The following PCLO variants were observed in gnomAD, a reference collection of about 807,000 sequenced individuals.
PCLO encodes the protein protein piccolo.
PCLO carries 82 observed loss-of-function variants against 427.5 expected under a neutral mutation model. The observed-to-expected ratio is 0.19, with a 90% CI of 0.16 to 0.23. PCLO has a LOEUF of 0.23. Ranked by LOEUF, PCLO falls within the 10% of genes least tolerant of loss-of-function variation. The pLI is 1.00. For synonymous variants in PCLO, 2,357 were observed against 2,155.4 expected (o/e 1.09, Z -2.59); for missense variants, 6,239 against 6,115.9 (o/e 1.02, Z -0.67).
At chr7:83,147,677 C>T (rs919349104) in intron 2 of PCLO, among the ~76,000 whole-genome samples, 28 of 152,016 alleles carry the variant, frequency 1.8e-4, no homozygotes, top group Admixed American at 1.8e-3. Flanking sequence ...AGTCCTTTAA[C>T]CCTTTATATA....
At position 82,791,707 on chromosome 7, in the gene PCLO, TG is replaced by T. The variant is rs1223386287; in HGVS notation, c.15007+9810del. Among the ~76,000 whole-genome samples, 6 of 152,286 alleles carry T rather than the reference TG, an allele frequency of 3.9e-5. No individual in the cohort carries two copies. The East Asian group carries it at 1.2e-3, about 29-fold the overall frequency. On this transcript the variant is annotated intron_variant, in intron 22 of 24. Coordinates refer to ENST00000333891, the MANE Select transcript of PCLO (RefSeq NM_033026.6). Reference sequence around the variant, plus strand: ...TGGTTCCTTAAGGGAAAGTAATACTTGGTTGACCAAGGGCTTCTTTTCTGAA... The same window carrying T: ...TGGTTCCTTAAGGGAAAGTAATACTTGTTGACCAAGGGCTTCTTTTCTGAA...
chr7:82,824,402 T>C lies in PCLO; in HGVS notation c.14430A>G (p.Leu4810=). Residue 4810 remains leucine (L), a synonymous_variant, in exon 19 of 25, where the codon TTA becomes TTG. Coordinates refer to ENST00000333891, the MANE Select transcript of PCLO (RefSeq NM_033026.6). ...NDFLGEVLID[L]SSTSHLDNTP... ...TGTTATCGAGGTGAGATGTGCTAGA[T>C]AAATCAATCAATACCTGAAAAAAAG... The C allele has an allele frequency of 1.3e-6, 2 of 1,596,492 alleles. No homozygotes were observed. Among genetic ancestry groups the C allele is most frequent in the South Asian group, 2.3e-5 (2 of 88,262 alleles).
At chr7:83,047,567 C>T (rs1789134161) in intron 3 of PCLO, among the ~76,000 whole-genome samples, 1 of 151,892 alleles carries the variant, frequency 6.6e-6, no homozygotes, top group Admixed American at 6.6e-5. Context: ...AAGAAGACTG[C>T]TATAAAGAAC....
chr7:82,874,699 T>C (rs1011500518), intron 10 of PCLO, among the ~76,000 whole-genome samples: 3 of 152,182 alleles, frequency 2.0e-5, no homozygotes, highest in Non-Finnish European at 2.9e-5. Flanking sequence ...ATGCTGGTTA[T>C]ATTGAACTTA....
intron 3 of PCLO, among the ~76,000 whole-genome samples, chr7:83,098,308 A>AAT (rs1554396865): frequency 1.4e-4 from 22 of 151,962 alleles, no homozygotes; most frequent in African/African-American, 5.3e-4. Flanking sequence ...AGTAGGAGGT[A>AAT]CTTTGTCTTT....
chr7:83,033,539 AC>A (rs1361212529), intron 3 of PCLO, among the ~76,000 whole-genome samples: 2 of 152,090 alleles, frequency 1.3e-5, no homozygotes, highest in African/African-American at 4.8e-5. Flanking sequence ...TCTAGATCCT[AC>A]CTATCATTCA....
At chr7:82,889,688 T>A (rs968390310) in intron 9 of PCLO, among the ~76,000 whole-genome samples, 2 of 152,098 alleles carry the variant, frequency 1.3e-5, no homozygotes, top group African/African-American at 4.8e-5. Context: ...GCATTGTTTA[T>A]AATAATGGAA....
chr7:82,944,930 C>A (rs1795166746), intron 6 of PCLO, among the ~76,000 whole-genome samples: 1 of 152,094 alleles, frequency 6.6e-6, no homozygotes, highest in Non-Finnish European at 1.5e-5. Flanking sequence ...ATAAAATATT[C>A]CAAATGAAGA....
At chr7:83,078,440 A>G (rs368609876) in intron 3 of PCLO, among the ~76,000 whole-genome samples, 13 of 152,116 alleles carry the variant, frequency 8.5e-5, no homozygotes, top group African/African-American at 2.4e-4. Flanking sequence ...ACATGGAAGT[A>G]TACTTTTCCA....
intron 3 of PCLO, among the ~76,000 whole-genome samples, chr7:83,117,979 C>T (rs185182781): frequency 9.6e-4 from 146 of 152,136 alleles, no homozygotes; most frequent in African/African-American, 3.3e-3. Context: ...TATAACAGTA[C>T]AAACTAAAGA....
intron 3 of PCLO, among the ~76,000 whole-genome samples, chr7:83,094,621 T>C (rs565960381): frequency 2.0e-5 from 3 of 152,314 alleles, no homozygotes; most frequent in South Asian, 2.1e-4. Flanking sequence ...ACAGTTTGTT[T>C]AACCATTTAT....
At chr7:83,023,197 T>G (rs938281995) in intron 3 of PCLO, among the ~76,000 whole-genome samples, 2 of 152,204 alleles carry the variant, frequency 1.3e-5, no homozygotes, top group African/African-American at 4.8e-5. Flanking sequence ...CAAAATGATT[T>G]TATGACTTCC....
chr7:82,919,442 A>C (rs1277698116), intron 6 of PCLO, among the ~76,000 whole-genome samples: 3 of 151,968 alleles, frequency 2.0e-5, no homozygotes. Context: ...ATAGAGACCC[A>C]GTGTGGTGAG....
Position 82,951,604 on chromosome 7 carries a change from G to A in PCLO, c.9098-114C>T, listed in dbSNP as rs527388714. On this transcript the variant is annotated intron_variant, in intron 5 of 24. Transcript: ENST00000333891. ...GAATGAGACTGCATGCAAATCCACAGGGTAACCTAATTATATGCGGAATGA... is the reference window on the plus strand; with the variant it reads ...GAATGAGACTGCATGCAAATCCACAAGGTAACCTAATTATATGCGGAATGA... 41 of 862,900 alleles carry A rather than the reference G, an allele frequency of 4.8e-5. 1 individual carries two copies. The South Asian group carries it at 6.7e-4, about 14-fold the overall frequency. The allele number at this position is 862,900 out of a possible 1,614,324, so 53.5% of individuals were successfully genotyped here.
chr7:83,138,522 G>T (rs1478951849), intron 2 of PCLO, among the ~76,000 whole-genome samples: 1 of 152,086 alleles, frequency 6.6e-6, no homozygotes, highest in Admixed American at 6.5e-5. Flanking sequence ...TTAGCCAGGT[G>T]TAGTGGTGCA....
chr7:83,076,239 G>T (rs559139411), intron 3 of PCLO, among the ~76,000 whole-genome samples: 1 of 151,002 alleles, frequency 6.6e-6, no homozygotes, highest in Non-Finnish European at 1.5e-5. Flanking sequence ...TTCAACAAAA[G>T]AATCTTTCAA....
chr7:82,920,920 G>A (rs923943441), intron 6 of PCLO, among the ~76,000 whole-genome samples: 79 of 151,754 alleles, frequency 5.2e-4, no homozygotes, highest in Non-Finnish European at 8.3e-4. Context: ...CTAGATGCTA[G>A]ACCAAAATTA....
intron 4 of PCLO, among the ~76,000 whole-genome samples, chr7:82,964,093 G>A (rs1198922339): frequency 6.6e-6 from 1 of 152,036 alleles, no homozygotes; most frequent in African/African-American, 2.4e-5. Context: ...GGAGAAGGGA[G>A]AAAAGGAAGG....
intron 3 of PCLO, among the ~76,000 whole-genome samples, chr7:83,055,841 G>T (rs759088210): frequency 6.6e-6 from 1 of 151,942 alleles, no homozygotes; most frequent in Non-Finnish European, 1.5e-5. Flanking sequence ...TGTAAATTCA[G>T]GTCAAATCTA....
Sources: allele counts gnomAD v4.1 joint callset (sites outside exome capture counted in the v4.1 genomes callset), GRCh38; gene constraint gnomAD v4.1.1; transcripts MANE v1.5; gene names NCBI Gene and HGNC (gene_info 2026-07-23, HGNC 2026-07-21).